Variants in THADA observed in about 807,000 individuals in gnomAD.
THADA encodes the protein tRNA (32-2'-O)-methyltransferase regulator THADA.
In THADA, 213 loss-of-function variants were observed where a neutral mutation model predicts 219.8. That is an observed-to-expected ratio of 0.97 (90% CI 0.87 to 1.09). The LOEUF (loss-of-function observed/expected upper bound fraction) is 1.09, where lower values mean the gene tolerates loss of function less well. Ranked by LOEUF, THADA falls within the 50% of genes least tolerant of loss-of-function variation. The pLI, the probability that THADA is intolerant of heterozygous loss-of-function variation, is 0.00. For missense variants in THADA, 2,956 were observed against 2,311.3 expected (o/e 1.28, Z -5.72); for synonymous variants, 1,018 against 828.9 (o/e 1.23, Z -3.92).
At chr2:43,353,050 A>G (rs751873403) in intron 29 of THADA, among the ~76,000 whole-genome samples, 2 of 152,214 alleles carry the variant, frequency 1.3e-5, no homozygotes, top group African/African-American at 2.4e-5. Flanking sequence ...CTCCTGGTCC[A>G]TTCATGTAGC....
At chr2:43,286,597 T>C (rs1674040224) in intron 35 of THADA, among the ~76,000 whole-genome samples, 1 of 151,822 alleles carries the variant, frequency 6.6e-6, no homozygotes, top group Non-Finnish European at 1.5e-5. Flanking sequence ...AAAAATTAGC[T>C]GGGTTTGGTG....
At chr2:43,517,881 T>C (rs536321258) in intron 22 of THADA, among the ~76,000 whole-genome samples, 1 of 152,204 alleles carries the variant, frequency 6.6e-6, no homozygotes, top group African/African-American at 2.4e-5. Flanking sequence ...GACAATCTCA[T>C]TAAACTTTAT....
Position 43,426,589 on chromosome 2 carries a change from C to T in THADA, c.4058+1511G>A, listed in dbSNP as rs565409943. On this transcript the variant is annotated intron_variant, in intron 28 of 37. Transcript: ENST00000405975. ...ACTTTGTATATCAGGAAACAAAAAC[C>T]AGTCTGCCTGAGTCATCTCTGTGAT... Among the ~76,000 whole-genome samples, 4 of 152,240 alleles carry T rather than the reference C, an allele frequency of 2.6e-5. No individual in the cohort carries two copies. The South Asian group carries it at 8.3e-4, about 32-fold the overall frequency.
At chr2:43,539,992 A>T (rs1414245415) in intron 21 of THADA, among the ~76,000 whole-genome samples, 1 of 152,228 alleles carries the variant, frequency 6.6e-6, no homozygotes, top group East Asian at 1.9e-4. Flanking sequence ...TGTTTTTTAA[A>T]CACTACCCAA....
chr2:43,400,145 C>T (rs1674619418), intron 28 of THADA, among the ~76,000 whole-genome samples: 1 of 152,006 alleles, frequency 6.6e-6, no homozygotes, highest in African/African-American at 2.4e-5. Context: ...TAAAGAATGC[C>T]CCTCCTTTTG....
At chr2:43,544,131 C>T (rs138452194) in intron 20 of THADA, among the ~76,000 whole-genome samples, 2,516 of 152,274 alleles carry the variant, frequency 0.017, 24 homozygotes, top group Non-Finnish European at 0.025. Flanking sequence ...AATAGGGAAT[C>T]CTCTCCCCCA....
chr2:43,382,923 A>T (rs1400605709), intron 29 of THADA, among the ~76,000 whole-genome samples: 1 of 152,228 alleles, frequency 6.6e-6, no homozygotes, highest in Non-Finnish European at 1.5e-5. Context: ...CAAAGAAGGA[A>T]TATAATTATA....
intron 36 of THADA, among the ~76,000 whole-genome samples, chr2:43,270,507 T>C (rs538396384): frequency 1.2e-4 from 18 of 152,208 alleles, no homozygotes; most frequent in Non-Finnish European, 2.4e-4. Flanking sequence ...AATGCACCCC[T>C]TTCTCTTAAC....
At chr2:43,579,174 G>A in intron 8 of THADA, among the ~76,000 whole-genome samples, 1 of 152,168 alleles carries the variant, frequency 6.6e-6, no homozygotes, top group South Asian at 2.1e-4. Flanking sequence ...CTCAATAAAC[G>A]TGATTCCTTC....
rs1246088523 is a variant in THADA, at chr2:43,297,987, C to G, written c.4439-4774G>C. Among the ~76,000 whole-genome samples, 5 of 1,310 alleles carry G rather than the reference C, an allele frequency of 3.8e-3. No individual in the cohort carries two copies. In the East Asian group the frequency reaches 0.038, roughly 10 times the overall value. The allele number at this position is 1,310 out of a possible 152,430, so 0.9% of individuals were successfully genotyped here. A position where few individuals can be genotyped will look rare whatever the true frequency, so the allele number is the denominator to read the frequency against. On this transcript the variant is annotated intron_variant, in intron 31 of 37. Coordinates refer to ENST00000405975, the MANE Select transcript of THADA (RefSeq NM_022065.5). ...CCCCCGCCCGGCCAGCCGCCCCGTCCGGGAGGGAGTGTGGGGGGGGTCAGC... is the reference window on the plus strand; with the variant it reads ...CCCCCGCCCGGCCAGCCGCCCCGTCGGGGAGGGAGTGTGGGGGGGGTCAGC...
At position 43,230,865 on chromosome 2, in the gene THADA, T is replaced by C. The variant is rs1280380435; in HGVS notation, c.*83A>G. The C allele has an allele frequency of 6.8e-7, 1 of 1,469,792 alleles. No individual in the cohort carries two copies. Among genetic ancestry groups the C allele is most frequent in the African/African-American group, 1.4e-5 (1 of 70,702 alleles). 91.0% of individuals were successfully genotyped at this position (1,469,792 alleles called of 1,614,324 possible). A position where few individuals can be genotyped will look rare whatever the true frequency, so the allele number is the denominator to read the frequency against. ...GGAGGCATGAATGGGATAAAATTTT[T>C]GAATTTATGTTCAACATGTTTCCTG... On this transcript the variant is annotated 3_prime_UTR_variant, in exon 38 of 38. Transcript: ENST00000405975.
chr2:43,380,310 T>C (rs750496612), intron 29 of THADA, among the ~76,000 whole-genome samples: 4 of 152,204 alleles, frequency 2.6e-5, no homozygotes, highest in Admixed American at 2.6e-4. Context: ...GAAATGTATA[T>C]ACAGTATTCT....
chr2:43,572,788 A>T, intron 12 of THADA, 26 bp downstream of exon 12: 1 of 1,608,102 alleles, frequency 6.2e-7, no homozygotes, highest in East Asian at 2.2e-5. Context: ...CTGCATGTAC[A>T]AATCCAGGTA....
chr2:43,262,326 A>C lies in THADA; in HGVS notation c.5296+17439T>G, dbSNP rs202008818. On this transcript the variant is annotated intron_variant, in intron 36 of 37. Transcript: ENST00000405975. Reference sequence around the variant, plus strand: ...ATTGTTCTTTCTTCCCTTTCTTTTCATCTGTTATGAGGATGAGCTAGCTAA... The same window carrying C: ...ATTGTTCTTTCTTCCCTTTCTTTTCCTCTGTTATGAGGATGAGCTAGCTAA... 2.6e-5 allele frequency among the ~76,000 whole-genome samples: 4 copies of C among 152,222 alleles called. No homozygotes were observed. In the East Asian group the frequency reaches 7.7e-4, roughly 29 times the overall value.
At chr2:43,400,478 A>AAT (rs1553427575) in intron 28 of THADA, among the ~76,000 whole-genome samples, 1 of 116,998 alleles carries the variant, frequency 8.5e-6, no homozygotes, top group Non-Finnish European at 1.8e-5. Flanking sequence ...TATATATATA[A>AAT]ATATATACAC....
At chr2:43,579,140 G>A (rs748277693) in intron 8 of THADA, among the ~76,000 whole-genome samples, 12 of 152,090 alleles carry the variant, frequency 7.9e-5, no homozygotes, top group Non-Finnish European at 1.8e-4. Context: ...GAATATAAAG[G>A]CTTTTAAGCC....
At chr2:43,338,003 G>A (rs778806246) in intron 30 of THADA, among the ~76,000 whole-genome samples, 1 of 151,808 alleles carries the variant, frequency 6.6e-6, no homozygotes, top group Non-Finnish European at 1.5e-5. Context: ...GATGAATGAT[G>A]GGGTATATTT....
rs11902562 is a variant in THADA, at chr2:43,328,011, G to T, written c.4344-7471C>A. ...TATATTTGGCTATATCCTGTGGATAGGAGTTAGGAGGTACTTCTTTTGATG... is the reference window on the plus strand; with the variant it reads ...TATATTTGGCTATATCCTGTGGATATGAGTTAGGAGGTACTTCTTTTGATG... On this transcript the variant is annotated intron_variant, in intron 30 of 37. Coordinates refer to ENST00000405975, the MANE Select transcript of THADA (RefSeq NM_022065.5). 1.5e-3 allele frequency among the ~76,000 whole-genome samples: 229 copies of T among 152,282 alleles called. 1 individual carries two copies. The highest frequency in any genetic ancestry group is 5.3e-3 in the African/African-American group (221 of 41,544).
chr2:43,593,232 C>G (rs1163603739), intron 1 of THADA, among the ~76,000 whole-genome samples: 1 of 151,864 alleles, frequency 6.6e-6, no homozygotes, highest in African/African-American at 2.4e-5. Flanking sequence ...TGAAATTTAC[C>G]AAGATGAAAC....
Sources: gnomAD v4.1 joint callset for allele counts (sites outside exome capture counted in the v4.1 genomes callset) on GRCh38, gnomAD v4.1.1 for gene constraint, MANE v1.5 for transcripts, NCBI Gene and HGNC (gene_info 2026-07-23, HGNC 2026-07-21) for gene names.